Variants in PCCA observed in about 807,000 individuals in gnomAD.
The protein encoded by PCCA is propionyl-CoA carboxylase subunit alpha, also known as propionyl-CoA carboxylase alpha chain, mitochondrial.
A neutral mutation model predicts 101.3 loss-of-function variants in PCCA; 74 were observed. The observed-to-expected ratio is 0.73, with a 90% CI of 0.61 to 0.89. The LOEUF (loss-of-function observed/expected upper bound fraction) is 0.89, where lower values mean the gene tolerates loss of function less well. PCCA is among the 40% of genes least tolerant of loss of function. The probability of loss-of-function intolerance (pLI) is 0.00; values close to 1 mark genes in which losing one functional copy is unlikely to be tolerated. For missense variants in PCCA, 891 were observed against 907.0 expected (o/e 0.98, Z 0.23); for synonymous variants, 294 against 313.6 (o/e 0.94, Z 0.66).
intron 8 of PCCA, among the ~76,000 whole-genome samples, chr13:100,256,213 G>A (rs1018168092): frequency 2.6e-5 from 4 of 151,966 alleles, no homozygotes; most frequent in African/African-American, 7.3e-5. Context: ...CACCATGTTG[G>A]CCAGGATGGT....
chr13:100,269,604 AT>A (rs1344419904), intron 11 of PCCA, among the ~76,000 whole-genome samples: 1 of 152,166 alleles, frequency 6.6e-6, no homozygotes, highest in East Asian at 1.9e-4. Flanking sequence ...CTATTTGTAT[AT>A]ACTCTGGTAT....
At chr13:100,223,943 G>T (rs1002650256) in intron 7 of PCCA, among the ~76,000 whole-genome samples, 11 of 152,236 alleles carry the variant, frequency 7.2e-5, no homozygotes, top group Non-Finnish European at 1.5e-4. Context: ...TAGACATAAA[G>T]GTTCTCCATG....
chr13:100,284,877 C>A (rs372688313), intron 12 of PCCA, among the ~76,000 whole-genome samples: 1 of 152,234 alleles, frequency 6.6e-6, no homozygotes, highest in African/African-American at 2.4e-5. Context: ...AGCCCAAGAT[C>A]TAGGCCACTT....
chr13:100,132,678 A>C (rs1468630336), intron 4 of PCCA, among the ~76,000 whole-genome samples: 2 of 152,170 alleles, frequency 1.3e-5, no homozygotes, highest in Non-Finnish European at 2.9e-5. Flanking sequence ...ATTGCTGGTC[A>C]TATGGTAAGT....
intron 18 of PCCA, among the ~76,000 whole-genome samples, chr13:100,341,453 G>A (rs1291817589): frequency 6.6e-6 from 1 of 152,120 alleles, no homozygotes; most frequent in African/African-American, 2.4e-5. Flanking sequence ...CACTAGCCAT[G>A]TATGGCAATT....
chr13:100,227,220 G>A (rs1012374637), intron 7 of PCCA, among the ~76,000 whole-genome samples: 155 of 151,950 alleles, frequency 1.0e-3, no homozygotes, highest in African/African-American at 3.3e-3. Flanking sequence ...CAGGTGATCC[G>A]CCTGCCTCTG....
In PCCA at chr13:100,089,287, G is replaced by C; in HGVS notation, c.105+62G>C. 2.2e-6 allele frequency: 3 copies of C among 1,362,808 alleles called. No individual in the cohort carries two copies. In the South Asian group the frequency reaches 5.4e-5, roughly 25 times the overall value. 84.4% of individuals were successfully genotyped at this position (1,362,808 alleles called of 1,614,324 possible). A position where few individuals can be genotyped will look rare whatever the true frequency, so the allele number is the denominator to read the frequency against. On this transcript the variant is annotated intron_variant, in intron 1 of 23. Transcript: ENST00000376285. ...CTGGGCTTCTAGCCGTGCCGCCTCT[G>C]GGCGGCTGGCGCCGGGAGAGCGCTG... is the stretch of plus-strand genomic sequence containing the variant.
chr13:100,147,602 C>T (rs1355666004), intron 4 of PCCA, among the ~76,000 whole-genome samples: 1 of 152,134 alleles, frequency 6.6e-6, no homozygotes, highest in African/African-American at 2.4e-5. Context: ...GAAATATATG[C>T]CTGTGTATTT....
chr13:100,251,222 G>A (rs1370457017), intron 8 of PCCA, among the ~76,000 whole-genome samples: 1 of 152,156 alleles, frequency 6.6e-6, no homozygotes, highest in African/African-American at 2.4e-5. Flanking sequence ...ATACTATCCA[G>A]CAGTTGTGCT....
At chr13:100,409,740 T>C (rs1008145174) in intron 19 of PCCA, among the ~76,000 whole-genome samples, 1 of 152,190 alleles carries the variant, frequency 6.6e-6, no homozygotes, top group Non-Finnish European at 1.5e-5. Flanking sequence ...GTGTGTCTTT[T>C]AGAGTTGGCC....
intron 5 of PCCA, among the ~76,000 whole-genome samples, chr13:100,155,686 T>C (rs2053810213): frequency 6.6e-6 from 1 of 152,218 alleles, no homozygotes; most frequent in Non-Finnish European, 1.5e-5. Flanking sequence ...ATTTTCTTTT[T>C]TCTTTTTTTA....
intron 5 of PCCA, among the ~76,000 whole-genome samples, chr13:100,155,704 G>A (rs1166897902): frequency 6.6e-6 from 1 of 151,912 alleles, no homozygotes; most frequent in East Asian, 1.9e-4. Context: ...TTAATTATCA[G>A]AACTAATTAT....
intron 1 of PCCA, among the ~76,000 whole-genome samples, chr13:100,101,099 G>A (rs1382608519): frequency 7.2e-5 from 11 of 152,206 alleles, no homozygotes; most frequent in South Asian, 2.1e-4. Flanking sequence ...CACCGTGCCC[G>A]GCCCGAGTTC....
intron 2 of PCCA, among the ~76,000 whole-genome samples, chr13:100,111,047 T>C (rs1419254331): frequency 1.3e-5 from 2 of 151,862 alleles, no homozygotes; most frequent in Non-Finnish European, 2.9e-5. Flanking sequence ...GAGACTCGCT[T>C]TGTCACCAGA....
intron 7 of PCCA, among the ~76,000 whole-genome samples, chr13:100,218,842 C>G (rs1304224366): frequency 6.6e-6 from 1 of 152,206 alleles, no homozygotes; most frequent in African/African-American, 2.4e-5. Context: ...GAACAAGATT[C>G]TTTTTGCTGG....
At chr13:100,102,683 C>T (rs1184472616) in intron 1 of PCCA, among the ~76,000 whole-genome samples, 200 bp from the exon 2 acceptor site, 1 of 152,130 alleles carries the variant, frequency 6.6e-6, no homozygotes, top group African/African-American at 2.4e-5. Flanking sequence ...CGTTTTGATG[C>T]TTTTGGTTTC....
intron 4 of PCCA, among the ~76,000 whole-genome samples, chr13:100,126,619 G>T (rs998861625): frequency 1.1e-4 from 16 of 151,940 alleles, no homozygotes; most frequent in Admixed American, 7.9e-4. Flanking sequence ...GCATGGTTGG[G>T]GTTATCTGTC....
At chr13:100,336,178 C>T (rs1475836338) in intron 17 of PCCA, among the ~76,000 whole-genome samples, 3 of 152,158 alleles carry the variant, frequency 2.0e-5, no homozygotes, top group Non-Finnish European at 2.9e-5. Flanking sequence ...AGGAGAATCA[C>T]TTGAACCCAG....
intron 22 of PCCA, among the ~76,000 whole-genome samples, chr13:100,524,159 C>T (rs879725133): frequency 3.3e-5 from 5 of 152,204 alleles, no homozygotes; most frequent in Non-Finnish European, 7.3e-5. Flanking sequence ...CCCCTGCTCC[C>T]AAGGGCCGAG....
Sources: gnomAD v4.1 joint callset for allele counts (sites outside exome capture counted in the v4.1 genomes callset) on GRCh38, gnomAD v4.1.1 for gene constraint, MANE v1.5 for transcripts, NCBI Gene and HGNC (gene_info 2026-07-23, HGNC 2026-07-21) for gene names.